The following MRTFA variants were observed in gnomAD, a reference collection of about 807,000 sequenced individuals.
The protein encoded by MRTFA is myocardin related transcription factor A.
A neutral mutation model predicts 83.5 loss-of-function variants in MRTFA; 20 were observed. That is an observed-to-expected ratio of 0.24 (90% CI 0.17 to 0.35). The LOEUF is 0.35. Among genes scored for constraint, MRTFA ranks in the 10% least tolerant of loss-of-function variants. MRTFA has a pLI of 1.00. For synonymous variants in MRTFA, 659 were observed against 541.2 expected (o/e 1.22, Z -3.02); for missense variants, 1,200 against 1,224.7 (o/e 0.98, Z 0.30).
chr22:40,419,187 C>G lies in MRTFA; in HGVS notation c.1551G>C (p.Thr517=). 6.3e-7 allele frequency: 1 copy of G among 1,587,108 alleles called. No homozygotes were observed. Among genetic ancestry groups the G allele is most frequent in the Non-Finnish European group, 8.6e-7 (1 of 1,166,706 alleles). The change falls in exon 12 of 15, where the codon ACG becomes ACC. Residue 517 remains threonine (T), a synonymous_variant. Transcript: ENST00000355630. ...GGCCTGCTGCCACCAGGGCTGGCCC[C>G]GTGCTCAGCCGGGCCGCTGGGAAGG...
At chr22:40,419,518 G>A (rs1156777823) in intron 11 of MRTFA, 134 bp from the exon 12 acceptor site, 8 of 744,226 alleles carry the variant, frequency 1.1e-5, no homozygotes, top group Non-Finnish European at 1.8e-5. Flanking sequence ...CAGCCTGGAG[G>A]GTGCAATGCC....
rs149996138 is a variant in MRTFA, at chr22:40,634,094, AT to A, written c.-84+2383del. Among the ~76,000 whole-genome samples the A allele has an allele frequency of 8.9e-3, 1,285 of 144,028 alleles. 7 individuals carry two copies. Among genetic ancestry groups the A allele is most frequent in the African/African-American group, 0.022 (854 of 39,266 alleles). 94.5% of individuals were successfully genotyped at this position (144,028 alleles called of 152,430 possible). A position where few individuals can be genotyped will look rare whatever the true frequency, so the allele number is the denominator to read the frequency against. ...CTGGTATATCAGAAGATTTATCAGGATTTTTTTTTTTTTTTGAGACAGGGTC... is the reference window on the plus strand; with the variant it reads ...CTGGTATATCAGAAGATTTATCAGGATTTTTTTTTTTTTTGAGACAGGGTC... On this transcript the variant is annotated intron_variant, in intron 1 of 14. Coordinates refer to ENST00000355630, the MANE Select transcript of MRTFA (RefSeq NM_020831.6).
intron 5 of MRTFA, among the ~76,000 whole-genome samples, chr22:40,432,124 TA>T (rs1569261472): frequency 6.6e-6 from 1 of 152,152 alleles, no homozygotes; most frequent in Non-Finnish European, 1.5e-5. Context: ...CTGGCGCCTG[TA>T]ATCCCAGCTA....
chr22:40,550,989 T>C (rs2147311064), intron 3 of MRTFA, among the ~76,000 whole-genome samples: 1 of 151,920 alleles, frequency 6.6e-6, no homozygotes. Context: ...GTAGCTGGGA[T>C]TACAAGCATG....
intron 5 of MRTFA, among the ~76,000 whole-genome samples, chr22:40,431,805 G>C (rs751895699): frequency 1.3e-5 from 2 of 152,084 alleles, no homozygotes; most frequent in Non-Finnish European, 2.9e-5. Context: ...TAGAAAACTA[G>C]AAAGAAAAAT....
chr22:40,420,023 G>A (rs781511333), intron 11 of MRTFA, among the ~76,000 whole-genome samples: 1 of 152,216 alleles, frequency 6.6e-6, no homozygotes, highest in Non-Finnish European at 1.5e-5. Context: ...GTCTGCGACT[G>A]TGGACAAGCT....
intron 2 of MRTFA, among the ~76,000 whole-genome samples, chr22:40,590,861 C>T (rs984001549): frequency 6.6e-6 from 1 of 152,012 alleles, no homozygotes; most frequent in Non-Finnish European, 1.5e-5. Flanking sequence ...CAGCTGGGCA[C>T]GGTGGCTCAC....
At chr22:40,431,619 G>C in intron 5 of MRTFA, 139 bp from the exon 6 acceptor site, 1 of 782,600 alleles carries the variant, frequency 1.3e-6, no homozygotes, top group Admixed American at 2.1e-5. Context: ...GTGACTGCAG[G>C]GTTCGGAGGC....
chr22:40,464,287 C>T (rs2053772853), intron 3 of MRTFA, among the ~76,000 whole-genome samples: 2 of 118,902 alleles, frequency 1.7e-5, no homozygotes, highest in Admixed American at 1.1e-4. Context: ...GCCTGGGTAA[C>T]GAGAGTGAGA....
intron 3 of MRTFA, among the ~76,000 whole-genome samples, chr22:40,516,363 T>C (rs1024732684): frequency 1.5e-5 from 2 of 132,290 alleles, no homozygotes; most frequent in Non-Finnish European, 3.0e-5. Flanking sequence ...GGGGTTGCAG[T>C]GAGCCAAGAT....
At chr22:40,636,005 T>C (rs2056693599) in intron 1 of MRTFA, among the ~76,000 whole-genome samples, 1 of 152,182 alleles carries the variant, frequency 6.6e-6, no homozygotes, top group African/African-American at 2.4e-5. Flanking sequence ...CAGAGCCCTG[T>C]ACACCTGGCA....
chr22:40,458,709 C>T (rs2053640215), intron 4 of MRTFA, among the ~76,000 whole-genome samples: 1 of 152,132 alleles, frequency 6.6e-6, no homozygotes, highest in South Asian at 2.1e-4. Context: ...CTAACGTGCC[C>T]ATTCCCTCGG....
At chr22:40,613,466 C>T (rs990443692) in intron 1 of MRTFA, among the ~76,000 whole-genome samples, 2 of 152,228 alleles carry the variant, frequency 1.3e-5, no homozygotes, top group Non-Finnish European at 2.9e-5. Flanking sequence ...CAGGCCTGAA[C>T]TACTGCTCTA....
chr22:40,599,096 G>A (rs1038286002), intron 1 of MRTFA, among the ~76,000 whole-genome samples: 4 of 151,458 alleles, frequency 2.6e-5, no homozygotes, highest in South Asian at 2.1e-4. Context: ...TTGGGAGTTC[G>A]AGACTAGCCT....
At chr22:40,435,651 G>T in intron 4 of MRTFA, 97 bp from the exon 5 acceptor site, 1 of 1,384,002 alleles carries the variant, frequency 7.2e-7, no homozygotes, top group Non-Finnish European at 1.0e-6. Flanking sequence ...TCATGTTACT[G>T]GCTGGGCGTG....
chr22:40,441,931 G>A (rs1219176447), intron 4 of MRTFA, among the ~76,000 whole-genome samples: 1 of 152,110 alleles, frequency 6.6e-6, no homozygotes, highest in Non-Finnish European at 1.5e-5. Flanking sequence ...GATGTGTGAT[G>A]ACAGCGCAGG....
intron 1 of MRTFA, among the ~76,000 whole-genome samples, chr22:40,608,799 T>C (rs2056350012): frequency 6.6e-6 from 1 of 152,176 alleles, no homozygotes; most frequent in African/African-American, 2.4e-5. Flanking sequence ...TACTTCAATA[T>C]GAGGTACTTT....
intron 3 of MRTFA, among the ~76,000 whole-genome samples, chr22:40,502,036 C>T: frequency 7.3e-6 from 1 of 136,852 alleles, no homozygotes; most frequent in Non-Finnish European, 1.6e-5. Context: ...GGGGGCTGAC[C>T]CCCCCACCTC....
chr22:40,493,904 G>A (rs77426923), intron 3 of MRTFA, among the ~76,000 whole-genome samples: 12,410 of 152,256 alleles, frequency 0.082, 787 homozygotes, highest in East Asian at 0.24. Context: ...TGTGCCTGAT[G>A]TAAATTGTCT....
Sources: gnomAD v4.1 joint callset for allele counts (sites outside exome capture counted in the v4.1 genomes callset) on GRCh38, gnomAD v4.1.1 for gene constraint, MANE v1.5 for transcripts, NCBI Gene and HGNC (gene_info 2026-07-23, HGNC 2026-07-21) for gene names.